Variants in KIAA1217 observed in about 807,000 individuals in gnomAD.
KIAA1217 encodes KIAA1217.
In KIAA1217, 88 loss-of-function variants were observed where a neutral mutation model predicts 163.9. That is an observed-to-expected ratio of 0.54 (90% confidence interval 0.45 to 0.64). The LOEUF (loss-of-function observed/expected upper bound fraction) is 0.64. KIAA1217 is among the 30% of genes least tolerant of loss of function. The pLI, the probability that KIAA1217 is intolerant of heterozygous loss-of-function variation, is 0.00. For missense variants in KIAA1217, 2,372 were observed against 2,475.0 expected (o/e 0.96, Z 0.88); for synonymous variants, 903 against 923.1 (o/e 0.98, Z 0.39).
chr10:24,055,519 A>G (rs1849830284), intron 2 of KIAA1217, among the ~76,000 whole-genome samples: 1 of 152,188 alleles, frequency 6.6e-6, no homozygotes, highest in South Asian at 2.1e-4. Flanking sequence ...AGAGGCTTTC[A>G]GCATCCTTCC....
intron 1 of KIAA1217, among the ~76,000 whole-genome samples, chr10:23,711,199 T>TA (rs1837231442): frequency 6.6e-6 from 1 of 152,172 alleles, no homozygotes; most frequent in South Asian, 2.1e-4. Flanking sequence ...GATGTTCCCT[T>TA]AACCCCAGAA....
chr10:24,324,890 C>G (rs2044662868), intron 2 of KIAA1217, among the ~76,000 whole-genome samples: 1 of 152,052 alleles, frequency 6.6e-6, no homozygotes, highest in Non-Finnish European at 1.5e-5. Context: ...TCAATCTTGC[C>G]CCTATTCAGC....
At position 24,380,430 on chromosome 10, in the gene KIAA1217, A is replaced by G. The variant is rs553947810; in HGVS notation, c.355-439A>G. Among the ~76,000 whole-genome samples, 7 of 152,146 alleles carry G rather than the reference A, an allele frequency of 4.6e-5. No individual in the cohort carries two copies. In the South Asian group the frequency reaches 1.5e-3, roughly 32 times the overall value. ...CACCTGAGGTCAGGAGTTCAAGAGT[A>G]CTCAAAGTACTCAAAGCCTGGCCAT... On this transcript the variant is annotated intron_variant, in intron 2 of 20. Coordinates refer to ENST00000376454, the MANE Select transcript of KIAA1217 (RefSeq NM_019590.5).
chr10:24,491,196 T>C (rs1448466605), intron 6 of KIAA1217, among the ~76,000 whole-genome samples: 1 of 145,226 alleles, frequency 6.9e-6, no homozygotes, highest in African/African-American at 2.5e-5. Flanking sequence ...TGTGACATTC[T>C]ATAGTTCTAA....
intron 1 of KIAA1217, among the ~76,000 whole-genome samples, chr10:23,946,521 A>G (rs995406595): frequency 1.3e-5 from 2 of 152,158 alleles, no homozygotes; most frequent in Non-Finnish European, 1.5e-5. Context: ...ATAACAAGAT[A>G]TTTTCAAGCA....
intron 2 of KIAA1217, among the ~76,000 whole-genome samples, chr10:24,145,107 G>A (rs889071725): frequency 2.0e-5 from 3 of 152,368 alleles, no homozygotes; most frequent in African/African-American, 7.2e-5. Context: ...GGGTTGCATA[G>A]AGAGAAGAAT....
chr10:24,424,321 A>G (rs533230197), intron 3 of KIAA1217, among the ~76,000 whole-genome samples: 1 of 151,096 alleles, frequency 6.6e-6, no homozygotes, highest in South Asian at 2.1e-4. Flanking sequence ...ACAAAATGTC[A>G]GCTGGTGTTA....
At chr10:23,756,286 A>G (rs1833916523) in intron 1 of KIAA1217, among the ~76,000 whole-genome samples, 2 of 152,128 alleles carry the variant, frequency 1.3e-5, no homozygotes, top group Non-Finnish European at 2.9e-5. Context: ...AAAGAAGTAT[A>G]AGGTTTATAA....
At chr10:23,934,908 C>T (rs950263456) in intron 1 of KIAA1217, among the ~76,000 whole-genome samples, 1 of 151,756 alleles carries the variant, frequency 6.6e-6, no homozygotes, top group Admixed American at 6.6e-5. Context: ...TGAGCCACCG[C>T]GCCTAGCCAA....
chr10:23,993,133 G>T (rs1054050814), intron 1 of KIAA1217, among the ~76,000 whole-genome samples: 1 of 147,318 alleles, frequency 6.8e-6, no homozygotes, highest in South Asian at 2.2e-4. Flanking sequence ...CCGGATTCAA[G>T]CAATTCTCCT....
intron 2 of KIAA1217, among the ~76,000 whole-genome samples, chr10:24,099,075 C>T (rs1395390792): frequency 1.3e-5 from 2 of 152,114 alleles, no homozygotes; most frequent in East Asian, 3.9e-4. Context: ...TAATCTTGCC[C>T]AGGAGTCCCC....
chr10:24,525,861 G>A (rs902007111), intron 13 of KIAA1217, among the ~76,000 whole-genome samples: 50 of 152,028 alleles, frequency 3.3e-4, no homozygotes, highest in Non-Finnish European at 5.9e-4. Flanking sequence ...ATGGTGGCGC[G>A]TGCCTGTAGC....
chr10:23,801,776 T>C (rs7101012), intron 1 of KIAA1217, among the ~76,000 whole-genome samples: 47,063 of 152,082 alleles, frequency 0.31, 8,443 homozygotes, highest in African/African-American at 0.49. Context: ...TAAGGTCACA[T>C]AGGTGATAGT....
intron 1 of KIAA1217, among the ~76,000 whole-genome samples, chr10:23,967,660 G>A (rs1167202005): frequency 6.6e-6 from 1 of 152,026 alleles, no homozygotes; most frequent in Non-Finnish European, 1.5e-5. Context: ...CAGTTTTGGA[G>A]GACAATTTGA....
chr10:23,968,501 C>T (rs746918464), intron 1 of KIAA1217, among the ~76,000 whole-genome samples: 4 of 152,170 alleles, frequency 2.6e-5, no homozygotes, highest in African/African-American at 7.2e-5. Context: ...ACACAGCATA[C>T]TATTCATCCA....
At chr10:24,079,602 T>C (rs1317509628) in intron 2 of KIAA1217, among the ~76,000 whole-genome samples, 5 of 152,198 alleles carry the variant, frequency 3.3e-5, no homozygotes, top group South Asian at 2.1e-4. Flanking sequence ...ACATGCTTCC[T>C]GTGAAAGCTC....
At chr10:24,436,573 A>T (rs984016013) in intron 4 of KIAA1217, among the ~76,000 whole-genome samples, 2 of 151,780 alleles carry the variant, frequency 1.3e-5, no homozygotes, top group Admixed American at 1.3e-4. Context: ...CCTGGTTAAC[A>T]CAGTGAAAAC....
chr10:24,333,075 G>A (rs546141314), intron 2 of KIAA1217, among the ~76,000 whole-genome samples: 17 of 152,210 alleles, frequency 1.1e-4, no homozygotes, highest in African/African-American at 3.4e-4. Flanking sequence ...AGGCTGGAGC[G>A]GGGTGGTGTG....
chr10:24,211,985 G>A (rs2068190233), intron 1 of KIAA1217, among the ~76,000 whole-genome samples: 2 of 151,878 alleles, frequency 1.3e-5, no homozygotes, highest in Non-Finnish European at 1.5e-5. Flanking sequence ...TGAGACTGCA[G>A]TTAGCCATGA....
Sources: gnomAD v4.1 joint callset for allele counts (sites outside exome capture counted in the v4.1 genomes callset) on GRCh38, gnomAD v4.1.1 for gene constraint, MANE v1.5 for transcripts, NCBI Gene and HGNC (gene_info 2026-07-23, HGNC 2026-07-21) for gene names.